GRK1: variants seen among roughly 807,000 people sequenced by gnomAD.
GRK1 encodes rhodopsin kinase GRK1.
A neutral mutation model predicts 41.7 loss-of-function variants in GRK1; 28 were observed. That is an observed-to-expected ratio of 0.67 (90% confidence interval 0.50 to 0.92). The LOEUF (loss-of-function observed/expected upper bound fraction) is 0.92. GRK1 is among the 40% of genes least tolerant of loss of function. The pLI, the probability that GRK1 is intolerant of heterozygous loss-of-function variation, is 0.00. For missense variants in GRK1, 703 were observed against 671.2 expected (o/e 1.05, Z -0.52); for synonymous variants, 327 against 286.7 (o/e 1.14, Z -1.42).
chr13:113,658,026 C>A, the GRK1 span: 1 of 1,593,234 alleles, frequency 6.3e-7, no homozygotes, highest in Non-Finnish European at 8.5e-7. Context: ...CCGCCCCCCG[C>A]ACGTACCCCA....
At chr13:113,651,797 C>A in the GRK1 span, 1 of 1,563,520 alleles carries the variant, frequency 6.4e-7, no homozygotes, top group African/African-American at 1.4e-5. Context: ...GGCACCCACC[C>A]ATGGAGCTGA....
the GRK1 span, among the ~76,000 whole-genome samples, chr13:113,653,912 A>C: frequency 7.2e-5 from 11 of 152,244 alleles, no homozygotes; most frequent in African/African-American, 2.4e-4. Flanking sequence ...TGAACCGTCA[A>C]ATGTGCATCC....
rs563832148 is a variant in GRK1, at chr13:113,735,294, G to A, written c.1623G>A (p.Pro541=). Residue 541 remains proline, a synonymous_variant, in exon 7 of 7, where the codon CCG becomes CCA. Transcript: ENST00000335678. ...LNVWRSDGQM[P]DDMKGISGGS... ...TGTGGCGCTCGGACGGTCAGATGCC[G>A]GACGACATGAAGGGCATCTCCGGGG... 4.1e-4 allele frequency: 633 copies of A among 1,535,294 alleles called. No homozygotes were observed. Among genetic ancestry groups the A allele is most frequent in the Admixed American group, 1.0e-3 (53 of 50,934 alleles).
Position 113,667,235 on chromosome 13 carries a change from C to G in GRK1, c.-152C>G. 1.3e-6 allele frequency: 1 copy of G among 765,326 alleles called. No homozygotes were observed. The highest frequency in any genetic ancestry group is 2.0e-6 in the Non-Finnish European group (1 of 492,776). The allele number at this position is 765,326 out of a possible 1,614,324, so 47.4% of individuals were successfully genotyped here. A position where few individuals can be genotyped will look rare whatever the true frequency, so the allele number is the denominator to read the frequency against. On this transcript the variant is annotated 5_prime_UTR_variant, in exon 1 of 7. Transcript: ENST00000335678. The surrounding 1 kb of genome is among the most constrained non-coding windows in gnomAD (Gnocchi z 7.5). ...GGGCTTCCCAGTGGTCCCCAGGAACCCTCGACAGGGCCAGGGCGTCTCTCT... is the reference window on the plus strand; with the variant it reads ...GGGCTTCCCAGTGGTCCCCAGGAACGCTCGACAGGGCCAGGGCGTCTCTCT...
intron 6 of GRK1, among the ~76,000 whole-genome samples, chr13:113,733,513 G>GTGTGTGTA (rs1555361089): frequency 0.14 from 18,828 of 132,296 alleles, 3,915 homozygotes; most frequent in African/African-American, 0.45. Flanking sequence ...GTGTGCACGT[G>GTGTGTGTA]TGTGTGCATG....
rs546410869 is a variant in GRK1, at chr13:113,735,012, C to T, written c.1397-56C>T. On this transcript the variant is annotated intron_variant, in intron 6 of 6. Coordinates refer to ENST00000335678, the MANE Select transcript of GRK1 (RefSeq NM_002929.3). ...TGGGGGAGGGGGCTTTTTGGCTAAA[C>T]GGCGCTTCCTTCCCACCACGAGGAG... The T allele has an allele frequency of 2.9e-5, 42 of 1,435,064 alleles. 1 individual carries two copies. Among genetic ancestry groups the T allele is most frequent in the East Asian group, 1.5e-4 (6 of 39,410 alleles). The allele number at this position is 1,435,064 out of a possible 1,614,324, so 88.9% of individuals were successfully genotyped here.
upstream of GRK1, among the ~76,000 whole-genome samples, chr13:113,662,381 G>A (rs895770220): frequency 3.9e-5 from 6 of 152,124 alleles, no homozygotes; most frequent in South Asian, 2.1e-4. Flanking sequence ...AAGATGAAAC[G>A]TTTTTTACCC....
chr13:113,733,826 TGTGTGCACGTGC>T (rs1334448774), intron 6 of GRK1, among the ~76,000 whole-genome samples: 42 of 136,800 alleles, frequency 3.1e-4, no homozygotes, highest in South Asian at 2.9e-3. Flanking sequence ...TGTGTGCGTG[TGTGTGCACGTGC>T]GTGTGCATGT....
chr13:113,652,924 G>A, the GRK1 span: 3 of 1,614,218 alleles, frequency 1.9e-6, no homozygotes, highest in Non-Finnish European at 2.5e-6. Context: ...AGCCGAAGTT[G>A]GGATCCGCCA....
In GRK1 at chr13:113,735,433, T is replaced by C; in HGVS notation, c.*70T>C. On this transcript the variant is annotated 3_prime_UTR_variant, in exon 7 of 7. Transcript: ENST00000335678. The stretch of plus-strand genomic sequence containing the variant: ...CGATGGGGGCCGCCTGCCTCCGTGG[T>C]GCCAGCCTGGGGTCTGCTAGCAAGG... 1.4e-6 allele frequency: 2 copies of C among 1,415,712 alleles called. No individual in the cohort carries two copies. The highest frequency in any genetic ancestry group is 1.5e-5 in the South Asian group (1 of 65,700). The allele number at this position is 1,415,712 out of a possible 1,614,324, so 87.7% of individuals were successfully genotyped here.
the GRK1 span, chr13:113,650,350 A>G: frequency 2.0e-6 from 3 of 1,516,256 alleles, no homozygotes; most frequent in Non-Finnish European, 2.7e-6. This position sits in a 1 kb window ranked among gnomAD's most constrained non-coding sequence, Gnocchi z 5.0. Flanking sequence ...TCCTTTCGCT[A>G]AGTGTGAGAG....
In GRK1 at chr13:113,668,067, G is replaced by A. The variant is rs148828618; in HGVS notation, c.681G>A (p.Lys227=). 71 of 1,607,764 alleles carry A rather than the reference G, an allele frequency of 4.4e-5. No individual in the cohort carries two copies. Among genetic ancestry groups the A allele is most frequent in the Non-Finnish European group, 5.6e-5 (66 of 1,177,476 alleles). ...ACKKLNKKRL[K]KRKGYQGAMV... ...AGAAGCTGAACAAGAAGCGGCTGAA[G>A]AAGAGGAAGGGCTACCAGGTGAGCA... The change falls in exon 1 of 7, where the codon AAG becomes AAA. Residue 227 remains lysine (K), a synonymous_variant. Transcript: ENST00000335678.
At chr13:113,656,900 C>A in the GRK1 span, among the ~76,000 whole-genome samples, 15 of 152,164 alleles carry the variant, frequency 9.9e-5, no homozygotes, top group African/African-American at 3.4e-4. Flanking sequence ...AGCCCAGCCC[C>A]CGCCCTCAGC....
chr13:113,726,714 G>A (rs2140725032), intron 4 of GRK1, among the ~76,000 whole-genome samples: 1 of 152,332 alleles, frequency 6.6e-6, no homozygotes, highest in Admixed American at 6.5e-5. Flanking sequence ...CGGTCTGGTG[G>A]GCCTTGCTCG....
chr13:113,652,554 T>G, the GRK1 span: 3 of 427,280 alleles, frequency 7.0e-6, no homozygotes, highest in Non-Finnish European at 8.8e-6. Context: ...CTCCAGAACT[T>G]GAGGCCCCTT....
At chr13:113,726,514 C>T (rs143335097) in intron 4 of GRK1, 1,967 of 165,322 alleles carry the variant, frequency 0.012, 22 homozygotes, top group Middle Eastern at 0.037. Context: ...AGTTCAGGGG[C>T]GGGAGAATTT....
the GRK1 span, among the ~76,000 whole-genome samples, chr13:113,652,036 G>A: frequency 2.2e-4 from 33 of 152,314 alleles, 1 homozygote; most frequent in African/African-American, 7.5e-4. Flanking sequence ...CCATGTCCAG[G>A]TCCGGTGGAG....
At position 113,731,494 on chromosome 13, in the gene GRK1, C is replaced by G. The variant is rs1049305762; in HGVS notation, c.1194+151C>G. 2.9e-6 allele frequency: 2 copies of G among 697,050 alleles called. No homozygotes were observed. Among genetic ancestry groups the G allele is most frequent in the Non-Finnish European group, 3.5e-6 (2 of 566,716 alleles). The allele number at this position is 697,050 out of a possible 1,614,324, so 43.2% of individuals were successfully genotyped here. On this transcript the variant is annotated intron_variant, in intron 5 of 6. Transcript: ENST00000335678. The surrounding 1 kb of genome is among the most constrained non-coding windows in gnomAD (Gnocchi z 5.6). ...AGGGCACAGATTCACGTGCTGGGGTCTTGCTCCTGGGCCATGCTGTTCTGT... is the reference window on the plus strand; with the variant it reads ...AGGGCACAGATTCACGTGCTGGGGTGTTGCTCCTGGGCCATGCTGTTCTGT...
the GRK1 span, chr13:113,657,905 G>A: frequency 6.0e-5 from 46 of 766,436 alleles, no homozygotes; most frequent in African/African-American, 7.0e-4. Flanking sequence ...GCCCGTCCAC[G>A]CCATCCAGGC....
Sources: gnomAD v4.1 joint callset for allele counts (sites outside exome capture counted in the v4.1 genomes callset) on GRCh38, gnomAD v4.1.1 for gene constraint, Gnocchi (gnomAD v3.1) non-coding constraint, MANE v1.5 for transcripts, NCBI Gene and HGNC (gene_info 2026-07-23, HGNC 2026-07-21) for gene names.